Variants in CA10 observed in about 807,000 individuals in gnomAD.
CA10 encodes the protein carbonic anhydrase 10 (inactive).
In CA10, 14 loss-of-function variants were observed where a neutral mutation model predicts 44.2. The observed-to-expected ratio is 0.32, with a 90% CI of 0.21 to 0.50. The LOEUF is 0.50. CA10 is among the 20% of genes least tolerant of loss of function. CA10 has a pLI of 0.99. For missense variants in CA10, 350 were observed against 409.7 expected, an observed-to-expected ratio of 0.85 and a Z score of 1.26; for synonymous variants, 159 against 141.6, an observed-to-expected ratio of 1.12 and a Z score of -0.87.
intron 1 of CA10, among the ~76,000 whole-genome samples, chr17:52,074,612 AAT>A (rs1987769616): frequency 2.6e-4 from 1 of 3,916 alleles, no homozygotes; most frequent in Non-Finnish European, 2.0e-3. Context: ...TTAGCACTCA[AAT>A]TTTGTTACAT....
At chr17:51,885,933 A>G (rs1160982511) in intron 3 of CA10, among the ~76,000 whole-genome samples, 4 of 152,258 alleles carry the variant, frequency 2.6e-5, no homozygotes, top group South Asian at 2.1e-4. Flanking sequence ...TAGTTAGCCA[A>G]TAAGTAGGTG....
intron 3 of CA10, among the ~76,000 whole-genome samples, chr17:51,855,772 T>C (rs535905473): frequency 1.6e-4 from 25 of 152,338 alleles, no homozygotes; most frequent in African/African-American, 5.5e-4. Context: ...TGATGAAAGT[T>C]GCAATTAATT....
chr17:52,001,749 T>G (rs1474074297), intron 2 of CA10, among the ~76,000 whole-genome samples: 1 of 151,988 alleles, frequency 6.6e-6, no homozygotes, highest in Non-Finnish European at 1.5e-5. Flanking sequence ...TAGATATGTA[T>G]CTTCTCAAAA....
chr17:52,126,795 G>C (rs928723481), intron 1 of CA10, among the ~76,000 whole-genome samples: 4 of 152,170 alleles, frequency 2.6e-5, no homozygotes, highest in Admixed American at 6.5e-5. Flanking sequence ...GCAACTGTTT[G>C]CAAAATTTCA....
intron 2 of CA10, among the ~76,000 whole-genome samples, chr17:51,994,549 T>A (rs1985159915): frequency 6.6e-6 from 1 of 152,004 alleles, no homozygotes; most frequent in Admixed American, 6.6e-5. Flanking sequence ...AAGGCTACCT[T>A]GGTGAATTTA....
chr17:51,893,042 A>G (rs1183990603), intron 3 of CA10, among the ~76,000 whole-genome samples: 1 of 152,184 alleles, frequency 6.6e-6, no homozygotes, highest in Non-Finnish European at 1.5e-5. Flanking sequence ...TATGCTTAAT[A>G]AGTGATGTTT....
At chr17:51,889,308 G>A (rs903445296) in intron 3 of CA10, among the ~76,000 whole-genome samples, 7 of 152,050 alleles carry the variant, frequency 4.6e-5, no homozygotes, top group African/African-American at 1.7e-4. Flanking sequence ...GATTGCTTGA[G>A]CCCAGGAGCT....
chr17:52,020,369 GCAT>G (rs1412333500), intron 2 of CA10, among the ~76,000 whole-genome samples: 2 of 151,834 alleles, frequency 1.3e-5, no homozygotes, highest in Admixed American at 6.6e-5. Context: ...AATATTAGTA[GCAT>G]CATATTTTAA....
chr17:51,631,665 C>T, intron 8 of CA10, 59 bp from the exon 9 acceptor site: 1 of 1,419,878 alleles, frequency 7.0e-7, no homozygotes. Flanking sequence ...GAGGCATACT[C>T]AATTAATTTG....
chr17:52,126,218 TG>T (rs1989115893), intron 1 of CA10, among the ~76,000 whole-genome samples: 2 of 152,162 alleles, frequency 1.3e-5, no homozygotes, highest in African/African-American at 4.8e-5. Flanking sequence ...CATTCTAAAA[TG>T]GTGCTAATAA....
At chr17:52,043,298 A>G (rs1226139394) in intron 2 of CA10, among the ~76,000 whole-genome samples, 1 of 152,042 alleles carries the variant, frequency 6.6e-6, no homozygotes, top group Admixed American at 6.5e-5. Flanking sequence ...CCTTAGTTAA[A>G]TTTATTCCTA....
chr17:51,924,936 G>A (rs1246759704), intron 3 of CA10, among the ~76,000 whole-genome samples: 1 of 152,150 alleles, frequency 6.6e-6, no homozygotes, highest in Non-Finnish European at 1.5e-5. Flanking sequence ...GCCTTTGCTG[G>A]GCAAAATTTC....
chr17:52,128,750 C>G (rs1989171355), intron 1 of CA10, among the ~76,000 whole-genome samples: 1 of 152,212 alleles, frequency 6.6e-6, no homozygotes, highest in Admixed American at 6.5e-5. Flanking sequence ...TCCCAGACCT[C>G]TTCTTCTAGC....
intron 3 of CA10, among the ~76,000 whole-genome samples, chr17:51,898,685 T>C (rs958265641): frequency 1.3e-5 from 2 of 152,118 alleles, no homozygotes; most frequent in African/African-American, 4.8e-5. Flanking sequence ...GTCCTGGGCT[T>C]TGTCTGGTTG....
chr17:52,101,417 T>TA (rs1025756506), intron 1 of CA10, among the ~76,000 whole-genome samples: 1 of 152,154 alleles, frequency 6.6e-6, no homozygotes, highest in African/African-American at 2.4e-5. Context: ...GTATTCCAGT[T>TA]AAAATCAGCC....
chr17:51,823,560 G>A (rs1396190231), intron 3 of CA10, among the ~76,000 whole-genome samples: 1 of 152,208 alleles, frequency 6.6e-6, no homozygotes, highest in Admixed American at 6.5e-5. Context: ...GCTCACTGTA[G>A]AGGGAGAACA....
chr17:51,686,042 T>C (rs1214669742), intron 4 of CA10, among the ~76,000 whole-genome samples: 1 of 142,432 alleles, frequency 7.0e-6, no homozygotes, highest in East Asian at 2.0e-4. Flanking sequence ...ATAATCCCCA[T>C]GGGTCAAGGG....
intron 1 of CA10, among the ~76,000 whole-genome samples, chr17:52,145,847 G>A: frequency 6.6e-6 from 1 of 152,036 alleles, no homozygotes; most frequent in East Asian, 1.9e-4. Context: ...CAGTAAAATG[G>A]TAAGGAACTT....
intron 4 of CA10, among the ~76,000 whole-genome samples, chr17:51,721,090 G>T (rs528108043): frequency 4.6e-5 from 7 of 152,248 alleles, no homozygotes; most frequent in African/African-American, 1.7e-4. Context: ...AGCACTTTGG[G>T]AGGCTGAGGT....
Sources: allele counts gnomAD v4.1 joint callset (sites outside exome capture counted in the v4.1 genomes callset), GRCh38; gene constraint gnomAD v4.1.1; transcripts MANE v1.5; gene names NCBI Gene and HGNC (gene_info 2026-07-23, HGNC 2026-07-21).